BLACAT1: variants seen among roughly 807,000 people sequenced by gnomAD.
BLACAT1 encodes the protein bladder cancer associated transcript 1.
intron 1 of BLACAT1, among the ~76,000 whole-genome samples, chr1:205,451,926 C>G (rs1666502621): frequency 6.6e-6 from 1 of 151,740 alleles, no homozygotes; most frequent in Non-Finnish European, 1.5e-5. Flanking sequence ...GTAGGAGAAG[C>G]CTGAGAGAGA....
chr1:205,438,896 C>T (rs535094015), downstream of BLACAT1, among the ~76,000 whole-genome samples: 8 of 152,282 alleles, frequency 5.3e-5, no homozygotes, highest in East Asian at 1.9e-4. Context: ...GCCTGAGAGG[C>T]GCACAAGGGG....
At chr1:205,453,959 C>G (rs1348910937) in intron 1 of BLACAT1, among the ~76,000 whole-genome samples, 3 of 152,224 alleles carry the variant, frequency 2.0e-5, no homozygotes, top group Non-Finnish European at 2.9e-5. Flanking sequence ...CTGCCCCCAC[C>G]CCTTTTCTTC....
At chr1:205,440,800 G>A (rs1199786037) in exon 2 of BLACAT1, 1 of 152,498 alleles carries the variant, frequency 6.6e-6, no homozygotes, top group Admixed American at 6.5e-5. Flanking sequence ...GTCAGGCTGA[G>A]AAGAGCACTG....
In BLACAT1 at chr1:205,450,714, C is replaced by A. The variant is rs545347640; in HGVS notation, c.-37+5203G>T. ...TGGCCTGCCTACCAATCCCAGCCCA[C>A]CTGACAAGCCCCAAGTAAGCTGTGG... On this transcript the variant is annotated intron_variant, in intron 1 of 1. Coordinates refer to ENST00000629624, the Ensembl canonical transcript of BLACAT1. The surrounding 1 kb of genome is among the most constrained non-coding windows in gnomAD (Gnocchi z 4.4). 6.6e-6 allele frequency among the ~76,000 whole-genome samples: 1 copy of A among 152,314 alleles called. No individual in the cohort carries two copies. Among genetic ancestry groups the A allele is most frequent in the Non-Finnish European group, 1.5e-5 (1 of 68,024 alleles).
chr1:205,452,735 C>A (rs977707280), intron 1 of BLACAT1, among the ~76,000 whole-genome samples: 1 of 152,138 alleles, frequency 6.6e-6, no homozygotes, highest in African/African-American at 2.4e-5. Context: ...AGCAGACCTG[C>A]CTTTGCCTAT....
At chr1:205,442,627 G>C (rs2102467106) in intron 1 of BLACAT1, among the ~76,000 whole-genome samples, 1 of 152,304 alleles carries the variant, frequency 6.6e-6, no homozygotes, top group South Asian at 2.1e-4. Context: ...CCACTGGCCA[G>C]CTGGATGGGC....
At chr1:205,455,219 G>A (rs1041846601) in intron 1 of BLACAT1, among the ~76,000 whole-genome samples, 1 of 152,202 alleles carries the variant, frequency 6.6e-6, no homozygotes, top group Non-Finnish European at 1.5e-5. Context: ...CAGGGATGGG[G>A]AGGCAGTGGG....
intron 1 of BLACAT1, among the ~76,000 whole-genome samples, chr1:205,446,995 G>A (rs1666401382): frequency 6.6e-6 from 1 of 152,220 alleles, no homozygotes; most frequent in Non-Finnish European, 1.5e-5. Flanking sequence ...ATTGGAGTTG[G>A]GCCACGGGGC....
rs547863105 is a variant in BLACAT1, at chr1:205,453,719, G to C, written c.-37+2198C>G. ...CTGGGTACCCCCAGCCTCTGCATCT[G>C]ATCTCCAATAAGCTCCAAGGTTGGG... On this transcript the variant is annotated intron_variant, in intron 1 of 1. Coordinates refer to ENST00000629624, the Ensembl canonical transcript of BLACAT1. Among the ~76,000 whole-genome samples the C allele has an allele frequency of 2.0e-5, 3 of 152,276 alleles. No homozygotes were observed. In the East Asian group the frequency reaches 5.8e-4, roughly 29 times the overall value.
At chr1:205,444,072 T>C (rs1284216099) in intron 1 of BLACAT1, among the ~76,000 whole-genome samples, 1 of 152,032 alleles carries the variant, frequency 6.6e-6, no homozygotes, top group Non-Finnish European at 1.5e-5. Context: ...GAGTCTGGAC[T>C]AGCACCTGGG....
downstream of BLACAT1, among the ~76,000 whole-genome samples, chr1:205,438,336 G>A (rs1666239479): frequency 6.6e-6 from 1 of 152,244 alleles, no homozygotes; most frequent in Non-Finnish European, 1.5e-5. Flanking sequence ...CCACCTCAAG[G>A]TGGAGTCTCT....
intron 1 of BLACAT1, among the ~76,000 whole-genome samples, chr1:205,447,024 C>T (rs567976043): frequency 3.8e-4 from 58 of 152,348 alleles, no homozygotes; most frequent in Admixed American, 3.8e-3. Context: ...GGACGTGCAT[C>T]CAATAGAGAT....
At chr1:205,452,011 G>C (rs1052180294) in intron 1 of BLACAT1, among the ~76,000 whole-genome samples, 1 of 152,118 alleles carries the variant, frequency 6.6e-6, no homozygotes, top group Non-Finnish European at 1.5e-5. Context: ...GGCAGAACCG[G>C]AGGCAGCAGG....
At chr1:205,453,916 C>A (rs1486034738) in intron 1 of BLACAT1, among the ~76,000 whole-genome samples, 1 of 152,226 alleles carries the variant, frequency 6.6e-6, no homozygotes, top group African/African-American at 2.4e-5. Flanking sequence ...TTATGAATAT[C>A]GAAATGTCTC....
chr1:205,442,183 C>CCTCT (rs1666306344), intron 1 of BLACAT1, among the ~76,000 whole-genome samples: 2 of 152,250 alleles, frequency 1.3e-5, no homozygotes, highest in South Asian at 4.2e-4. Flanking sequence ...CTGAATCACT[C>CCTCT]CTCTCTCCAG....
chr1:205,439,362 G>A (rs898198685), downstream of BLACAT1, among the ~76,000 whole-genome samples: 9 of 152,228 alleles, frequency 5.9e-5, no homozygotes, highest in African/African-American at 2.2e-4. Context: ...GGGGTTGGAG[G>A]ATGGGAGGAG....
chr1:205,443,471 G>A (rs1666331061), intron 1 of BLACAT1, among the ~76,000 whole-genome samples: 1 of 152,148 alleles, frequency 6.6e-6, no homozygotes, highest in Admixed American at 6.5e-5. Context: ...TGAGGTCACA[G>A]GAACCAGAAC....
rs987247146 is a variant in BLACAT1 at position 205,450,294 on chromosome 1, C to T, written c.-37+5623G>A. Among the ~76,000 whole-genome samples, 4 of 152,076 alleles carry T rather than the reference C, an allele frequency of 2.6e-5. No homozygotes were observed. The highest frequency in any genetic ancestry group is 6.5e-5 in the Admixed American group (1 of 15,280). On this transcript the variant is annotated intron_variant, in intron 1 of 1. Transcript: ENST00000629624. This position sits in a 1 kb window ranked among gnomAD's most constrained non-coding sequence, Gnocchi z 4.4. ...CCATGTATTACTCACGTCCCCCTGC[C>T]GGGCTATTGGTGCAGAGGGGCTGTT... is the stretch of plus-strand genomic sequence containing the variant.
intron 1 of BLACAT1, among the ~76,000 whole-genome samples, chr1:205,447,371 G>C (rs1666410773): frequency 6.6e-6 from 1 of 152,100 alleles, no homozygotes; most frequent in Admixed American, 6.5e-5. Context: ...TGAAATTAAG[G>C]GCTCTGAGAT....
Sources: gnomAD v4.1 joint callset for allele counts (sites outside exome capture counted in the v4.1 genomes callset) on GRCh38, gnomAD v4.1.1 for gene constraint, Gnocchi (gnomAD v3.1) non-coding constraint, MANE v1.5 for transcripts, NCBI Gene and HGNC (gene_info 2026-07-23, HGNC 2026-07-21) for gene names.